The following ZNF568 variants were observed in gnomAD, a reference collection of about 807,000 sequenced individuals.
ZNF568 encodes the protein zinc finger protein 568.
In ZNF568, 11 loss-of-function variants were observed where a neutral mutation model predicts 18.1. The observed-to-expected ratio is 0.61, with a 90% CI of 0.38 to 1.00. The LOEUF (loss-of-function observed/expected upper bound fraction) is 1.00, where lower values mean the gene tolerates loss of function less well. Among genes scored for constraint, ZNF568 ranks in the 50% least tolerant of loss-of-function variants. ZNF568 has a pLI of 0.01. For synonymous variants in ZNF568, 213 were observed against 246.6 expected (o/e 0.86, Z 1.28); for missense variants, 639 against 768.2 (o/e 0.83, Z 1.99).
intron 4 of ZNF568, chr19:36,991,900 A>G: frequency 7.0e-7 from 1 of 1,422,190 alleles, no homozygotes; most frequent in Non-Finnish European, 9.5e-7. Context: ...CACTTAGCTC[A>G]TCTGTGAGAA....
intron 6 of ZNF568, among the ~76,000 whole-genome samples, chr19:36,948,655 T>C (rs1281474720): frequency 2.3e-5 from 3 of 127,908 alleles, no homozygotes; most frequent in East Asian, 2.1e-4. Context: ...TTTTTTGTTG[T>C]TGATTTTTTT....
downstream of ZNF568, among the ~76,000 whole-genome samples, chr19:36,956,369 A>T (rs1209869081): frequency 6.6e-6 from 1 of 152,200 alleles, no homozygotes; most frequent in South Asian, 2.1e-4. Flanking sequence ...AGCAACTCTG[A>T]AGAGCAATCC....
intron 4 of ZNF568, among the ~76,000 whole-genome samples, chr19:36,925,669 T>C (rs2073540133): frequency 6.9e-6 from 1 of 145,684 alleles, no homozygotes; most frequent in African/African-American, 2.6e-5. Flanking sequence ...CAACTGCAAA[T>C]CAAAAATACT....
chr19:36,932,015 G>A lies in ZNF568; in HGVS notation c.136-4731G>A, dbSNP rs111716263. Among the ~76,000 whole-genome samples the A allele has an allele frequency of 3.2e-3, 483 of 152,126 alleles. 3 individuals carry two copies. The highest frequency in any genetic ancestry group is 0.011 in the African/African-American group (462 of 41,500). Reference sequence around the variant, plus strand: ...ACTGTTATCCTTTGTGTTGCCTTTCGCTTAGCATTATGTTTTCAAGTTTCA... The same window carrying A: ...ACTGTTATCCTTTGTGTTGCCTTTCACTTAGCATTATGTTTTCAAGTTTCA... On this transcript the variant is annotated intron_variant, in intron 4 of 6. Transcript: ENST00000333987.
chr19:36,961,587 C>T (rs545608066), intron 6 of ZNF568, among the ~76,000 whole-genome samples: 5 of 151,808 alleles, frequency 3.3e-5, no homozygotes, highest in Non-Finnish European at 5.9e-5. Context: ...AGTGCAATGG[C>T]GGGTTCTTGG....
At chr19:36,937,582 T>A (rs1201513569) in intron 6 of ZNF568, among the ~76,000 whole-genome samples, 2 of 152,224 alleles carry the variant, frequency 1.3e-5, no homozygotes, top group African/African-American at 4.8e-5. Flanking sequence ...TTTCATTTTC[T>A]TATGCATTCA....
Position 36,951,935 on chromosome 19 carries a change from A to C in ZNF568, c.*847A>C, listed in dbSNP as rs529490315. 62 of 984,654 alleles carry C rather than the reference A, an allele frequency of 6.3e-5. No homozygotes were observed. In the African/African-American group the frequency reaches 9.8e-4, roughly 16 times the overall value. 61.0% of individuals were successfully genotyped at this position (984,654 alleles called of 1,614,324 possible). The stretch of plus-strand genomic sequence containing the variant: ...CTTGAGCCACTGCACCTGGCCAAAA[A>C]ATTAACATTCTAAAGGATTTAAATA... On this transcript the variant is annotated 3_prime_UTR_variant, in exon 7 of 7. Transcript: ENST00000333987.
In ZNF568 at chr19:36,952,200, T is replaced by C; in HGVS notation, c.*1112T>C. On this transcript the variant is annotated 3_prime_UTR_variant, in exon 7 of 7. Transcript: ENST00000333987. ...GCACATGCCTGTAATCCCAGCTACT[T>C]GGGAGGCTGATAGAAGAAGATAACT... The C allele has an allele frequency of 2.9e-6, 1 of 343,566 alleles. No individual in the cohort carries two copies. Among genetic ancestry groups the C allele is most frequent in the Non-Finnish European group, 4.1e-6 (1 of 244,054 alleles). The allele number at this position is 343,566 out of a possible 1,614,324, so 21.3% of individuals were successfully genotyped here. A position where few individuals can be genotyped will look rare whatever the true frequency, so the allele number is the denominator to read the frequency against.
chr19:36,923,587 C>T (rs1468997020), intron 3 of ZNF568, among the ~76,000 whole-genome samples: 3 of 150,688 alleles, frequency 2.0e-5, no homozygotes, highest in Non-Finnish European at 4.4e-5. Context: ...CCTTTATCTG[C>T]ATCTGGTATG....
intron 6 of ZNF568, among the ~76,000 whole-genome samples, chr19:36,971,078 A>T (rs2074231948): frequency 6.6e-6 from 1 of 152,022 alleles, no homozygotes; most frequent in African/African-American, 2.4e-5. Flanking sequence ...CCTCGTCTCT[A>T]CTAAAAATAC....
chr19:36,927,766 C>T (rs1375251254), intron 4 of ZNF568, among the ~76,000 whole-genome samples: 1 of 144,486 alleles, frequency 6.9e-6, no homozygotes, highest in Non-Finnish European at 1.5e-5. Context: ...CATTGAATTG[C>T]ACAACTAGTT....
intron 6 of ZNF568, among the ~76,000 whole-genome samples, chr19:36,947,048 C>T (rs989348236): frequency 1.3e-5 from 2 of 148,528 alleles, no homozygotes; most frequent in Non-Finnish European, 3.0e-5. Context: ...CTGAGTCTCA[C>T]TCTGTTGCCC....
chr19:36,961,341 C>T (rs866073777), intron 6 of ZNF568, among the ~76,000 whole-genome samples: 2 of 149,246 alleles, frequency 1.3e-5, no homozygotes, highest in South Asian at 2.1e-4. Flanking sequence ...TATAGCTACT[C>T]CTGCTCACTT....
chr19:36,995,213 C>T (rs2074459533), intron 4 of ZNF568, among the ~76,000 whole-genome samples: 1 of 152,112 alleles, frequency 6.6e-6, no homozygotes, highest in Admixed American at 6.5e-5. Flanking sequence ...GTCTGGCCAA[C>T]ATGGCGAAAC....
intron 7 of ZNF568, chr19:36,978,958 G>A (rs536769296): frequency 6.5e-5 from 22 of 337,292 alleles, no homozygotes; most frequent in Middle Eastern, 2.2e-3. Context: ...TCTTATAGTC[G>A]TTTTCATACT....
chr19:36,930,451 C>T (rs952199771), intron 4 of ZNF568, among the ~76,000 whole-genome samples: 1 of 152,002 alleles, frequency 6.6e-6, no homozygotes, highest in African/African-American at 2.4e-5. Context: ...CCTCGTGATC[C>T]GCCCGCCTCG....
chr19:36,919,769 C>T (rs1340458064), intron 2 of ZNF568, among the ~76,000 whole-genome samples: 1 of 152,114 alleles, frequency 6.6e-6, no homozygotes, highest in African/African-American at 2.4e-5. Context: ...CACCTAGTGA[C>T]TTTCTAGCCA....
In ZNF568 at chr19:36,979,896, A is replaced by C. The variant is rs576067783; in HGVS notation, c.*782A>C. On this transcript the variant is annotated 3_prime_UTR_variant, in exon 8 of 8. Coordinates refer to the ZNF568 transcript ENST00000427117. ...CAACACTTGGTATTATTAAATTTTA[A>C]ATTTTTACGCACTTGGGTATGAGTT... The C allele has an allele frequency of 5.3e-5, 8 of 152,174 alleles. No homozygotes were observed. The South Asian group carries it at 1.7e-3, about 32-fold the overall frequency. The allele number at this position is 152,174 out of a possible 1,614,324, so 9.4% of individuals were successfully genotyped here.
At chr19:36,974,437 A>C in exon 7 of ZNF568, 1 of 1,536,096 alleles carries the variant, frequency 6.5e-7, no homozygotes. Flanking sequence ...AAGAGGAGAG[A>C]ACTGCTGTGC....
Sources: gnomAD v4.1 joint callset for allele counts (sites outside exome capture counted in the v4.1 genomes callset) on GRCh38, gnomAD v4.1.1 for gene constraint, MANE v1.5 for transcripts, NCBI Gene and HGNC (gene_info 2026-07-23, HGNC 2026-07-21) for gene names.